FLRT3: variants seen among roughly 807,000 people sequenced by gnomAD.
The protein encoded by FLRT3 is fibronectin leucine rich transmembrane protein 3.
FLRT3 carries 17 observed loss-of-function variants against 42.6 expected under a neutral mutation model. That is an observed-to-expected ratio of 0.40 (90% CI 0.27 to 0.60). The LOEUF is 0.60. FLRT3 is among the 20% of genes least tolerant of loss of function. FLRT3 has a pLI of 0.44. For synonymous variants in FLRT3, 279 were observed against 286.4 expected (o/e 0.97, Z 0.26); for missense variants, 635 against 789.2 (o/e 0.80, Z 2.34).
At position 14,326,884 on chromosome 20, in the gene FLRT3, C is replaced by G; in HGVS notation, c.623G>C (p.Gly208Ala). ...LTSLKRLVLD[G>A]NLLNNHGLGD... is the part of the protein sequence containing the mutation. The stretch of plus-strand genomic sequence containing the variant: ...TAAACCATGATTGTTCAACAGGTTT[C>G]CATCTAGAACCAGGCGTTTTAGACT... Residue 208 changes from glycine to alanine, a missense_variant, in exon 3 of 3, where the codon GGA becomes GCA. Gly to Ala is a moderately conservative substitution (Grantham distance 60). Coordinates refer to ENST00000341420, the MANE Select transcript of FLRT3 (RefSeq NM_198391.3). This position sits in a 1 kb window ranked among gnomAD's most constrained non-coding sequence, Gnocchi z 5.5. 6.2e-7 allele frequency: 1 copy of G among 1,613,734 alleles called. No individual in the cohort carries two copies. Among genetic ancestry groups the G allele is most frequent in the Non-Finnish European group, 8.5e-7 (1 of 1,179,784 alleles).
In FLRT3 at chr20:14,326,022, A is replaced by C; in HGVS notation, c.1485T>G (p.Val495=). The C allele has an allele frequency of 6.2e-7, 1 of 1,613,898 alleles. No homozygotes were observed. Among genetic ancestry groups the C allele is most frequent in the East Asian group, 2.2e-5 (1 of 44,862 alleles). Residue 495 remains valine, a synonymous_variant, in exon 3 of 3, where the codon GTT becomes GTG. Transcript: ENST00000341420. This position sits in a 1 kb window ranked among gnomAD's most constrained non-coding sequence, Gnocchi z 5.5. ...SNLYLFDETP[V]CIETETAPLR... Reference sequence around the variant, plus strand: ...GGGGTGCAGTTTCAGTCTCAATACAAACAGGAGTTTCATCAAATAGGTAGA... The same window carrying C: ...GGGGTGCAGTTTCAGTCTCAATACACACAGGAGTTTCATCAAATAGGTAGA...
At position 14,325,664 on chromosome 20, in the gene FLRT3, A is replaced by C; in HGVS notation, c.1843T>G (p.Phe615Val). 6.2e-7 allele frequency: 1 copy of C among 1,613,838 alleles called. No individual in the cohort carries two copies. Among genetic ancestry groups the C allele is most frequent in the East Asian group, 2.2e-5 (1 of 44,870 alleles). ...TACAGATTCATTCCATTAGGAGGAA[A>C]TATGGTGTGTATTACAAACTCCTCC... Reference protein sequence around the residue: ...SKEEFVIHTIFPPNGMNLYKN... With the variant: ...SKEEFVIHTIVPPNGMNLYKN... Residue 615 changes from phenylalanine (F) to valine (V), a missense_variant, in exon 3 of 3, where the codon TTT (phenylalanine) becomes GTT (valine). Transcript: ENST00000341420.
intron 1 of FLRT3, among the ~76,000 whole-genome samples, chr20:14,330,532 C>T (rs2082816530): frequency 6.6e-6 from 1 of 152,062 alleles, no homozygotes; most frequent in African/African-American, 2.4e-5. Context: ...GTTTCTGGTT[C>T]TCTCCAAAAA....
At chr20:14,331,407 CAA>C (rs1285266996) in intron 1 of FLRT3, among the ~76,000 whole-genome samples, 8 of 152,174 alleles carry the variant, frequency 5.3e-5, no homozygotes, top group African/African-American at 1.9e-4. Context: ...GTTTGATATG[CAA>C]ACTCACATTT....
In FLRT3 at chr20:14,337,536, G is replaced by T. The variant is rs564466349; in HGVS notation, c.-379C>A. On this transcript the variant is annotated 5_prime_UTR_variant, in exon 1 of 3. Coordinates refer to ENST00000341420, the MANE Select transcript of FLRT3 (RefSeq NM_198391.3). ...AGTCCACACAAAGCCCACGGCAGCT[G>T]CAGGCTGAGCTTGTCCTGCTTCAGA... 4.3e-5 allele frequency: 17 copies of T among 398,602 alleles called. No individual in the cohort carries two copies. The South Asian group carries it at 1.8e-3, about 42-fold the overall frequency. The allele number at this position is 398,602 out of a possible 1,614,324, so 24.7% of individuals were successfully genotyped here. A position where few individuals can be genotyped will look rare whatever the true frequency, so the allele number is the denominator to read the frequency against.
chr20:14,328,846 T>C (rs889694312), intron 2 of FLRT3: 2 of 152,080 alleles, frequency 1.3e-5, no homozygotes, highest in African/African-American at 2.4e-5. Flanking sequence ...GTAGGACACA[T>C]GGCTTCCTAT....
At chr20:14,333,425 T>C (rs1041609921) in intron 1 of FLRT3, among the ~76,000 whole-genome samples, 2 of 152,218 alleles carry the variant, frequency 1.3e-5, no homozygotes, top group African/African-American at 4.8e-5. Context: ...TGCTTCCTTT[T>C]ATGATATTAA....
In FLRT3 at chr20:14,326,765, T is replaced by G; in HGVS notation, c.742A>C (p.Asn248His). 1 of 1,613,772 alleles carries G rather than the reference T, an allele frequency of 6.2e-7. No homozygotes were observed. The highest frequency in any genetic ancestry group is 8.5e-7 in the Non-Finnish European group (1 of 1,179,812). ...TCTTGAAGATAAAGCTTCCTCAGGT[T>G]TGTGCCTGGAAGGTTTACTGGTGCA... Reference protein sequence around the residue: ...TAAPVNLPGTNLRKLYLQDNH... With the variant: ...TAAPVNLPGTHLRKLYLQDNH... Residue 248 changes from asparagine to histidine, a missense_variant, in exon 3 of 3, where the codon AAC (asparagine) becomes CAC (histidine). Transcript: ENST00000341420. The surrounding 1 kb of genome is among the most constrained non-coding windows in gnomAD (Gnocchi z 5.5).
In FLRT3 at chr20:14,325,821, G is replaced by A. The variant is rs766959891; in HGVS notation, c.1686C>T (p.Asn562=). The change falls in exon 3 of 3, where the codon AAC becomes AAT. Residue 562 remains asparagine, a synonymous_variant. Transcript: ENST00000341420. ...VHRNGSLFSR[N]CAYSKGRRRK... is the part of the protein sequence containing the mutation. ...TTCTCCTCCCTTTGCTATATGCACA[G>A]TTCCTTGAGAAGAGCGATCCATTCC... The A allele has an allele frequency of 1.9e-6, 3 of 1,613,858 alleles. No homozygotes were observed. Among genetic ancestry groups the A allele is most frequent in the Non-Finnish European group, 2.5e-6 (3 of 1,179,852 alleles).
chr20:14,323,664 A>C lies in FLRT3; in HGVS notation c.*1893T>G, dbSNP rs1412068973. The C allele has an allele frequency of 6.6e-6, 1 of 152,198 alleles. No homozygotes were observed. 9.4% of individuals were successfully genotyped at this position (152,198 alleles called of 1,614,324 possible). A position where few individuals can be genotyped will look rare whatever the true frequency, so the allele number is the denominator to read the frequency against. On this transcript the variant is annotated 3_prime_UTR_variant, in exon 3 of 3. Coordinates refer to ENST00000341420, the MANE Select transcript of FLRT3 (RefSeq NM_198391.3). ...TGAAGCTACCTAGGGCCTGCCAGCT[A>C]TCAGTGAACTCATTAGCATATGAAA...
At chr20:14,328,780 A>T (rs181237178) in intron 2 of FLRT3, 1 of 152,068 alleles carries the variant, frequency 6.6e-6, no homozygotes, top group Non-Finnish European at 1.5e-5. Context: ...GCAGTTCAGC[A>T]TGGTGGGCAA....
chr20:14,331,948 A>G (rs548801492), intron 1 of FLRT3, among the ~76,000 whole-genome samples: 28 of 152,132 alleles, frequency 1.8e-4, no homozygotes, highest in Non-Finnish European at 3.7e-4. Flanking sequence ...GAAAGAGGCC[A>G]TTACTTCTGA....
intron 1 of FLRT3, among the ~76,000 whole-genome samples, chr20:14,336,885 C>T (rs1422337008): frequency 6.6e-6 from 1 of 152,186 alleles, no homozygotes; most frequent in Non-Finnish European, 1.5e-5. Context: ...CTAGGTGTAG[C>T]TGTTAATCCT....
Position 14,326,936 on chromosome 20 carries a change from A to G in FLRT3, c.571T>C (p.Ser191Pro). Residue 191 changes from serine to proline, a missense_variant, in exon 3 of 3, where the codon TCA becomes CCA. Coordinates refer to ENST00000341420, the MANE Select transcript of FLRT3 (RefSeq NM_198391.3). The surrounding 1 kb of genome is among the most constrained non-coding windows in gnomAD (Gnocchi z 5.5). ...RLDDNRISTI[S>P]SPSLQGLTSL... ...GTGAGACCTTGAAGAGATGGTGATG[A>G]AATAGTGGATATGCGATTATCATCC... 1 of 1,613,812 alleles carries G rather than the reference A, an allele frequency of 6.2e-7. No homozygotes were observed. Among genetic ancestry groups the G allele is most frequent in the Non-Finnish European group, 8.5e-7 (1 of 1,179,802 alleles).
chr20:14,337,514 C>CCA lies in FLRT3; in HGVS notation c.-359_-358dup, dbSNP rs1485113973. 2.3e-5 allele frequency: 9 copies of CCA among 398,780 alleles called. No homozygotes were observed. The highest frequency in any genetic ancestry group is 1.6e-4 in the African/African-American group (8 of 48,748). 24.7% of individuals were successfully genotyped at this position (398,780 alleles called of 1,614,324 possible). On this transcript the variant is annotated 5_prime_UTR_variant, in exon 1 of 3. Coordinates refer to ENST00000341420, the MANE Select transcript of FLRT3 (RefSeq NM_198391.3). ...CCGTCTCCCAAGCTCTGCGTCCAGT[C>CCA]CACACAAAGCCCACGGCAGCTGCAG...
Position 14,325,758 on chromosome 20 carries a change from G to T in FLRT3, c.1749C>A (p.Asp583Glu), listed in dbSNP as rs2082722316. 6.2e-7 allele frequency: 1 copy of T among 1,613,748 alleles called. No homozygotes were observed. ...TTTCCCTGATTTCCAGGATAGAGTT[G>T]TCCTTCTTAGTGCCAGCTTCTGCAT... ...DDYAEAGTKK[D>E]NSILEIRETS... The change falls in exon 3 of 3, where the codon GAC becomes GAA. Residue 583 changes from aspartate (D) to glutamate (E), a missense_variant. By Grantham distance (45) the Asp-to-Glu change is conservative (BLOSUM62 2). Coordinates refer to ENST00000341420, the MANE Select transcript of FLRT3 (RefSeq NM_198391.3).
chr20:14,331,649 A>G (rs2122611380), intron 1 of FLRT3, among the ~76,000 whole-genome samples: 1 of 152,244 alleles, frequency 6.6e-6, no homozygotes, highest in Non-Finnish European at 1.5e-5. Context: ...ATGTTTAACT[A>G]CGTTTTATAT....
chr20:14,333,406 A>G (rs1269552524), intron 1 of FLRT3, among the ~76,000 whole-genome samples: 1 of 152,200 alleles, frequency 6.6e-6, no homozygotes, highest in Non-Finnish European at 1.5e-5. Context: ...CCGTCAGCAT[A>G]GTGAATGCTG....
At chr20:14,336,808 A>G (rs2082945706) in intron 1 of FLRT3, among the ~76,000 whole-genome samples, 2 of 152,160 alleles carry the variant, frequency 1.3e-5, no homozygotes, top group African/African-American at 4.8e-5. Flanking sequence ...TCAATTTACT[A>G]GTTGAGATTT....
Sources: allele counts gnomAD v4.1 joint callset (sites outside exome capture counted in the v4.1 genomes callset), GRCh38; gene constraint gnomAD v4.1.1; non-coding constraint Gnocchi (gnomAD v3.1); transcripts MANE v1.5; gene names NCBI Gene and HGNC (gene_info 2026-07-23, HGNC 2026-07-21).